SPMIP8: variants seen among roughly 807,000 people sequenced by gnomAD.
The protein encoded by SPMIP8 is testicular tissue protein Li 196.
the SPMIP8 span, among the ~76,000 whole-genome samples, chr16:57,982,933 G>A: frequency 3.9e-5 from 6 of 152,156 alleles, no homozygotes; most frequent in Non-Finnish European, 5.9e-5. Context: ...GGGAGGCTGA[G>A]GCGTGAGAAT....
chr16:57,985,857 A>C, the SPMIP8 span: 1 of 1,577,420 alleles, frequency 6.3e-7, no homozygotes, highest in Non-Finnish European at 8.6e-7. Context: ...TGAGGCGCCC[A>C]GAGAGGGTCG....
the SPMIP8 span, chr16:57,984,275 C>G: frequency 1.2e-5 from 19 of 1,609,974 alleles, no homozygotes; most frequent in African/African-American, 2.1e-4. Flanking sequence ...AAGGAGACAC[C>G]TCTTCTCCCT....
At chr16:57,981,392 A>ATTATTATTATTATTATTATTATT in the SPMIP8 span, among the ~76,000 whole-genome samples, 37 of 83,584 alleles carry the variant, frequency 4.4e-4, no homozygotes, top group East Asian at 3.1e-3. Context: ...TAATAATAAT[A>ATTATTATTATTATTATTATTATT]ATTATTATTA....
At chr16:57,987,445 A>C in the SPMIP8 span, 51 of 1,586,462 alleles carry the variant, frequency 3.2e-5, no homozygotes, top group Non-Finnish European at 4.4e-5. Flanking sequence ...AAGGAGGCTG[A>C]CTCCCAGGCT....
chr16:57,984,223 C>A, the SPMIP8 span: 1 of 1,470,202 alleles, frequency 6.8e-7, no homozygotes, highest in Non-Finnish European at 9.5e-7. Flanking sequence ...TTTTAAAGTA[C>A]AGTGTGGGCC....
At chr16:57,984,259 C>T in the SPMIP8 span, 3 of 1,601,748 alleles carry the variant, frequency 1.9e-6, no homozygotes. Flanking sequence ...CCTCTGACCA[C>T]TGGTGAAGGA....
the SPMIP8 span, chr16:57,977,792 C>T: frequency 1.9e-6 from 3 of 1,605,452 alleles, no homozygotes. Flanking sequence ...AGGGTGAGCC[C>T]CTTAGAACCC....
the SPMIP8 span, chr16:57,985,083 G>A: frequency 8.4e-7 from 1 of 1,191,038 alleles, no homozygotes; most frequent in South Asian, 1.6e-5. Flanking sequence ...CCTGTTCTCC[G>A]TACACGTGTG....
chr16:57,985,622 C>A, the SPMIP8 span: 2 of 1,503,010 alleles, frequency 1.3e-6, no homozygotes, highest in Non-Finnish European at 1.8e-6. Context: ...TCCTAGCGCA[C>A]AGGCAATGCC....
chr16:57,987,348 C>T, the SPMIP8 span: 1 of 1,485,520 alleles, frequency 6.7e-7, no homozygotes, highest in Admixed American at 2.5e-5. Flanking sequence ...TGATTTTTCC[C>T]CTAGGACACC....
At chr16:57,981,565 G>A in the SPMIP8 span, among the ~76,000 whole-genome samples, 6 of 115,944 alleles carry the variant, frequency 5.2e-5, no homozygotes, top group African/African-American at 2.1e-4. Flanking sequence ...AGGCTGGAGT[G>A]CAGTGGCGCT....
At chr16:57,987,366 C>A in the SPMIP8 span, 1 of 1,528,854 alleles carries the variant, frequency 6.5e-7, no homozygotes, top group Non-Finnish European at 8.7e-7. Flanking sequence ...ACCCTGGAAA[C>A]CCCCACCTCA....
At chr16:57,987,485 CCAGA>C in the SPMIP8 span, 2 of 1,547,006 alleles carry the variant, frequency 1.3e-6, no homozygotes, top group Non-Finnish European at 1.7e-6. Flanking sequence ...GGTCCCCTGG[CCAGA>C]CAGAGGACTT....
the SPMIP8 span, among the ~76,000 whole-genome samples, chr16:57,981,366 T>G: frequency 1.4e-5 from 1 of 71,406 alleles, no homozygotes; most frequent in African/African-American, 3.5e-5. Flanking sequence ...GGCAACAGAG[T>G]GACACTCCGT....
At chr16:57,979,373 A>AG in the SPMIP8 span, among the ~76,000 whole-genome samples, 4 of 152,170 alleles carry the variant, frequency 2.6e-5, no homozygotes, top group Non-Finnish European at 4.4e-5. Flanking sequence ...AACACTCCAC[A>AG]GGGAAAAGGG....
chr16:57,985,197 T>A, the SPMIP8 span: 12 of 1,520,068 alleles, frequency 7.9e-6, no homozygotes, highest in Middle Eastern at 5.7e-4. Flanking sequence ...AGGGGCTTTC[T>A]GTTCGCAGCG....
chr16:57,985,444 C>G, the SPMIP8 span: 1 of 1,613,640 alleles, frequency 6.2e-7, no homozygotes, highest in Non-Finnish European at 8.5e-7. Context: ...CCGTGCTCCC[C>G]CGACTCACCG....
the SPMIP8 span, chr16:57,978,066 T>C: frequency 3.9e-4 from 625 of 1,597,708 alleles, 1 homozygote; most frequent in Non-Finnish European, 4.5e-4. Context: ...AGGATCCCCT[T>C]TGGGGAAGGG....
the SPMIP8 span, among the ~76,000 whole-genome samples, chr16:57,977,660 T>C: frequency 6.6e-6 from 1 of 151,760 alleles, no homozygotes; most frequent in Non-Finnish European, 1.5e-5. Flanking sequence ...TGCCACCTCA[T>C]GCTGAGCTCC....
Sources: gnomAD v4.1 joint callset for allele counts (sites outside exome capture counted in the v4.1 genomes callset) on GRCh38, gnomAD v4.1.1 for gene constraint, MANE v1.5 for transcripts, NCBI Gene and HGNC (gene_info 2026-07-23, HGNC 2026-07-21) for gene names.